Variants in SLC35F2 observed in about 807,000 individuals in gnomAD.
SLC35F2 encodes the protein queuine/queuosine transporter SLC35F2.
In SLC35F2, 25 loss-of-function variants were observed where a neutral mutation model predicts 38.1. The ratio of observed to expected loss-of-function variants is 0.66; its 90% confidence interval spans 0.48 to 0.92. SLC35F2 has a LOEUF of 0.92. SLC35F2 is among the 40% of genes least tolerant of loss of function. The pLI, the probability that SLC35F2 is intolerant of heterozygous loss-of-function variation, is 0.00. For missense variants in SLC35F2, 409 were observed against 452.9 expected, an observed-to-expected ratio of 0.90 and a Z score of 0.88; for synonymous variants, 173 against 181.7, an observed-to-expected ratio of 0.95 and a Z score of 0.38.
intron 1 of SLC35F2, among the ~76,000 whole-genome samples, chr11:107,846,045 C>T (rs538850823): frequency 5.2e-4 from 79 of 151,964 alleles, no homozygotes; most frequent in African/African-American, 1.8e-3. Context: ...GGATTCAAAG[C>T]TTTTATAATT....
chr11:107,847,063 C>A (rs1171392144), intron 1 of SLC35F2, among the ~76,000 whole-genome samples: 1 of 151,878 alleles, frequency 6.6e-6, no homozygotes, highest in African/African-American at 2.4e-5. Flanking sequence ...CATAGCTTTT[C>A]TTTTACAGAT....
chr11:107,825,378 T>TC (rs1491113943), intron 1 of SLC35F2, among the ~76,000 whole-genome samples: 74 of 145,806 alleles, frequency 5.1e-4, no homozygotes, highest in Non-Finnish European at 8.5e-4. Flanking sequence ...TTTTTTTTTT[T>TC]CTTTTTTTTT....
chr11:107,815,064 T>C (rs12792702), intron 2 of SLC35F2, among the ~76,000 whole-genome samples: 20,243 of 151,452 alleles, frequency 0.13, 1,804 homozygotes, highest in African/African-American at 0.26. Flanking sequence ...GGTGACAGAG[T>C]GAGACTCTGT....
At chr11:107,795,591 G>C (rs1243107100) in intron 7 of SLC35F2, among the ~76,000 whole-genome samples, 1 of 152,166 alleles carries the variant, frequency 6.6e-6, no homozygotes, top group Non-Finnish European at 1.5e-5. Flanking sequence ...CTAATAACCA[G>C]AGTATACAAG....
intron 3 of SLC35F2, among the ~76,000 whole-genome samples, chr11:107,808,179 A>G (rs1014619443): frequency 6.6e-6 from 1 of 152,198 alleles, no homozygotes; most frequent in Non-Finnish European, 1.5e-5. Context: ...ACCATGTGAG[A>G]CACACTCGTG....
chr11:107,796,313 A>G (rs1859217094), intron 7 of SLC35F2, among the ~76,000 whole-genome samples: 1 of 152,194 alleles, frequency 6.6e-6, no homozygotes, highest in Non-Finnish European at 1.5e-5. Context: ...TATCAAAGGG[A>G]GATACCTGCA....
intron 1 of SLC35F2, among the ~76,000 whole-genome samples, chr11:107,828,653 A>T (rs766661479): frequency 6.6e-5 from 10 of 152,192 alleles, no homozygotes; most frequent in Non-Finnish European, 1.0e-4. Flanking sequence ...TAATGAATTA[A>T]GATGGGATGA....
rs1381450176 is a variant in SLC35F2 at position 107,818,071 on chromosome 11, AAAAAGAAAGAAAGAAAGAAAGAAAG to A, written c.111-2131_111-2107del. Among the ~76,000 whole-genome samples, 202 of 105,788 alleles carry A rather than the reference AAAAAGAAAGAAAGAAAGAAAGAAAG, an allele frequency of 1.9e-3. 1 individual carries two copies. The highest frequency in any genetic ancestry group is 3.3e-3 in the African/African-American group (77 of 23,630). The allele number at this position is 105,788 out of a possible 152,430, so 69.4% of individuals were successfully genotyped here. A position where few individuals can be genotyped will look rare whatever the true frequency, so the allele number is the denominator to read the frequency against. ...GACTCTGTCTCAAAAAAAAAAAAAA[AAAAAGAAAGAAAGAAAGAAAGAAAG>A]AAAGAAAGAAAGAAAGAAAGAAAGA... On this transcript the variant is annotated intron_variant, in intron 1 of 7. Transcript: ENST00000525815.
intron 1 of SLC35F2, among the ~76,000 whole-genome samples, chr11:107,843,442 C>A (rs750228995): frequency 1.3e-5 from 2 of 151,552 alleles, no homozygotes; most frequent in African/African-American, 4.9e-5. Flanking sequence ...CCCAGCTACT[C>A]GGGAGGCGGA....
At chr11:107,849,214 TC>T (rs1860138774) in intron 1 of SLC35F2, among the ~76,000 whole-genome samples, 1 of 152,146 alleles carries the variant, frequency 6.6e-6, no homozygotes, top group African/African-American at 2.4e-5. Flanking sequence ...TAATACTCTT[TC>T]GTTTTATTAG....
chr11:107,846,184 C>T (rs1845310361), intron 1 of SLC35F2, among the ~76,000 whole-genome samples: 1 of 150,456 alleles, frequency 6.6e-6, no homozygotes, highest in African/African-American at 2.4e-5. Flanking sequence ...TTAGAAAGAA[C>T]ACAGGGTTCC....
At chr11:107,820,072 A>G (rs1446237345) in intron 1 of SLC35F2, among the ~76,000 whole-genome samples, 1 of 152,042 alleles carries the variant, frequency 6.6e-6, no homozygotes, top group Non-Finnish European at 1.5e-5. Flanking sequence ...CTTGGTCAAC[A>G]TGGTGAAACC....
chr11:107,824,130 C>G (rs1420369706), intron 1 of SLC35F2, among the ~76,000 whole-genome samples: 1 of 151,786 alleles, frequency 6.6e-6, no homozygotes, highest in Non-Finnish European at 1.5e-5. Flanking sequence ...TAGTCATATT[C>G]AAAACTCAAA....
At chr11:107,819,002 TA>T (rs1859628604) in intron 1 of SLC35F2, among the ~76,000 whole-genome samples, 1 of 152,154 alleles carries the variant, frequency 6.6e-6, no homozygotes, top group African/African-American at 2.4e-5. Context: ...GGGGTGGTTA[TA>T]GATATGCTGA....
At position 107,806,985 on chromosome 11, in the gene SLC35F2, G is replaced by C. The variant is rs551100934; in HGVS notation, c.415-109C>G. On this transcript the variant is annotated intron_variant, in intron 3 of 7. Transcript: ENST00000525815. ...TTTATAATAGGAGTCAGTATTTATT[G>C]AGCATTTATTATTGCCAGCCCTGTA... 17 of 996,490 alleles carry C rather than the reference G, an allele frequency of 1.7e-5. No individual in the cohort carries two copies. The African/African-American group carries it at 2.6e-4, about 15-fold the overall frequency. 61.7% of individuals were successfully genotyped at this position (996,490 alleles called of 1,614,324 possible). A position where few individuals can be genotyped will look rare whatever the true frequency, so the allele number is the denominator to read the frequency against.
chr11:107,814,815 T>A (rs1591192461), intron 2 of SLC35F2, among the ~76,000 whole-genome samples: 1 of 151,958 alleles, frequency 6.6e-6, no homozygotes, highest in Non-Finnish European at 1.5e-5. Context: ...ATACAAAAAT[T>A]ATCTGGGCAC....
At chr11:107,844,677 T>C (rs1458351198) in intron 1 of SLC35F2, among the ~76,000 whole-genome samples, 5 of 145,542 alleles carry the variant, frequency 3.4e-5, no homozygotes, top group African/African-American at 1.0e-4. Flanking sequence ...AATAAAGTTA[T>C]TGTAAGAATT....
intron 1 of SLC35F2, among the ~76,000 whole-genome samples, chr11:107,843,911 A>G (rs1244956636): frequency 1.5e-5 from 2 of 136,726 alleles, no homozygotes; most frequent in Admixed American, 7.7e-5. Flanking sequence ...ATATATATGT[A>G]TATTAATTAA....
intron 1 of SLC35F2, among the ~76,000 whole-genome samples, chr11:107,837,498 G>C (rs112179429): frequency 0.021 from 3,028 of 145,190 alleles, 94 homozygotes; most frequent in African/African-American, 0.073. Context: ...AACCAGCCTG[G>C]CCAACATGGA....
Sources: allele counts gnomAD v4.1 joint callset (sites outside exome capture counted in the v4.1 genomes callset), GRCh38; gene constraint gnomAD v4.1.1; transcripts MANE v1.5; gene names NCBI Gene and HGNC (gene_info 2026-07-23, HGNC 2026-07-21).